The following TNNI3K variants were observed in gnomAD, a reference collection of about 807,000 sequenced individuals.
TNNI3K encodes the protein TNNI3 interacting kinase.
In TNNI3K, 140 loss-of-function variants were observed where a neutral mutation model predicts 114.5. The ratio of observed to expected loss-of-function variants is 1.22; its 90% CI spans 1.07 to 1.41. The LOEUF is 1.41. Among genes scored for constraint, TNNI3K ranks in the 40% most tolerant of loss-of-function variants. The probability of loss-of-function intolerance (pLI) is 0.00; values close to 1 mark genes in which losing one functional copy is unlikely to be tolerated. For synonymous variants in TNNI3K, 347 were observed against 347.5 expected (o/e 1.00, Z 0.02); for missense variants, 1,125 against 1,007.6 (o/e 1.12, Z -1.58).
chr1:74,397,265 A>C (rs1398452970), intron 17 of TNNI3K, among the ~76,000 whole-genome samples: 2 of 152,168 alleles, frequency 1.3e-5, no homozygotes, highest in Non-Finnish European at 2.9e-5. Flanking sequence ...AATTAAAGAG[A>C]TACACAGAAG....
chr1:74,483,520 C>A (rs762145490), intron 21 of TNNI3K: 3 of 526,132 alleles, frequency 5.7e-6, no homozygotes, highest in Non-Finnish European at 1.0e-5. Flanking sequence ...AGGTAAATAA[C>A]TACATTCCTT....
At chr1:74,298,948 G>C (rs1184281416) in intron 5 of TNNI3K, among the ~76,000 whole-genome samples, 1 of 152,028 alleles carries the variant, frequency 6.6e-6, no homozygotes, top group Admixed American at 6.6e-5. Flanking sequence ...ATTTAAACTT[G>C]TTTTTGGAAT....
At chr1:74,415,790 A>AT (rs1167688493) in intron 17 of TNNI3K, among the ~76,000 whole-genome samples, 1 of 149,236 alleles carries the variant, frequency 6.7e-6, no homozygotes, top group Non-Finnish European at 1.5e-5. Context: ...TTGGTTTTAG[A>AT]TTATGGTCAT....
chr1:74,537,058 G>A (rs1038296716), intron 23 of TNNI3K, among the ~76,000 whole-genome samples: 2 of 152,168 alleles, frequency 1.3e-5, no homozygotes, highest in Non-Finnish European at 2.9e-5. Flanking sequence ...AGCATCTGGA[G>A]CCAGCCTATG....
intron 23 of TNNI3K, among the ~76,000 whole-genome samples, chr1:74,538,532 A>C (rs974755289): frequency 6.6e-6 from 1 of 152,186 alleles, no homozygotes; most frequent in Non-Finnish European, 1.5e-5. Context: ...GTGTATAAGT[A>C]AACAGATAAA....
chr1:74,523,899 T>C (rs1646467566), intron 23 of TNNI3K, among the ~76,000 whole-genome samples: 1 of 152,108 alleles, frequency 6.6e-6, no homozygotes, highest in Non-Finnish European at 1.5e-5. Context: ...ACATTAAACA[T>C]TTCTCCTAAT....
chr1:74,493,418 T>C (rs1038751786), intron 23 of TNNI3K, among the ~76,000 whole-genome samples: 13 of 152,128 alleles, frequency 8.5e-5, no homozygotes, highest in Admixed American at 8.5e-4. Context: ...AAAAGGTAAG[T>C]CAGAAAAAAG....
intron 9 of TNNI3K, among the ~76,000 whole-genome samples, chr1:74,350,354 C>G (rs1470719048): frequency 6.6e-6 from 1 of 152,108 alleles, no homozygotes; most frequent in East Asian, 1.9e-4. Context: ...AATTTCTGTT[C>G]TTTTACATTT....
chr1:74,391,983 T>TTTTTTG (rs1663807889), intron 17 of TNNI3K, among the ~76,000 whole-genome samples: 1 of 141,966 alleles, frequency 7.0e-6, no homozygotes, highest in Admixed American at 7.0e-5. Flanking sequence ...TTTTTTTTTT[T>TTTTTTG]GAGACGGAGT....
intron 23 of TNNI3K, among the ~76,000 whole-genome samples, chr1:74,534,349 C>T (rs1011332645): frequency 6.6e-6 from 1 of 152,168 alleles, no homozygotes; most frequent in Admixed American, 6.6e-5. Flanking sequence ...GGACTGCATA[C>T]CCATCTGAAG....
chr1:74,271,060 A>G (rs1033916609), intron 4 of TNNI3K, among the ~76,000 whole-genome samples: 1 of 141,344 alleles, frequency 7.1e-6, no homozygotes, highest in African/African-American at 2.6e-5. Context: ...TTATGAATTA[A>G]TTGTGCCTAG....
chr1:74,513,972 TAAGTA>T (rs1443207068), intron 23 of TNNI3K, among the ~76,000 whole-genome samples: 2 of 152,150 alleles, frequency 1.3e-5, no homozygotes, highest in Non-Finnish European at 2.9e-5. Flanking sequence ...AAAAACTAAT[TAAGTA>T]AAGTTATCTT....
chr1:74,271,511 A>T, intron 4 of TNNI3K, 87 bp from the exon 5 acceptor site: 1 of 1,303,234 alleles, frequency 7.7e-7, no homozygotes. Flanking sequence ...GAACTGGCTG[A>T]TAGGCAGAAA....
At chr1:74,418,417 C>A (rs1410482449) in intron 17 of TNNI3K, 3 of 159,478 alleles carry the variant, frequency 1.9e-5, no homozygotes, top group Non-Finnish European at 4.1e-5. Context: ...GCTTTTTTTT[C>A]TTTTGTGATA....
intron 23 of TNNI3K, among the ~76,000 whole-genome samples, chr1:74,535,496 C>G (rs960185738): frequency 2.2e-4 from 34 of 151,976 alleles, no homozygotes; most frequent in Non-Finnish European, 3.5e-4. Flanking sequence ...AAAAGAATCA[C>G]AGAATGTAAG....
At chr1:74,428,534 A>G (rs1212312490) in intron 17 of TNNI3K, among the ~76,000 whole-genome samples, 1 of 152,098 alleles carries the variant, frequency 6.6e-6, no homozygotes, top group Non-Finnish European at 1.5e-5. Flanking sequence ...ACGTCTAAAA[A>G]ACAGACTTCC....
intron 17 of TNNI3K, among the ~76,000 whole-genome samples, chr1:74,403,573 A>G (rs554310043): frequency 6.6e-6 from 1 of 152,304 alleles, no homozygotes; most frequent in South Asian, 2.1e-4. Flanking sequence ...ATAACAAGTA[A>G]TCAGAGGGGC....
At chr1:74,283,374 A>T (rs1397269869) in intron 5 of TNNI3K, among the ~76,000 whole-genome samples, 1 of 152,176 alleles carries the variant, frequency 6.6e-6, no homozygotes, top group East Asian at 1.9e-4. Flanking sequence ...AGTTATTTTA[A>T]GGTCTCAGAG....
At chr1:74,333,385 C>T (rs1327291381) in intron 6 of TNNI3K, among the ~76,000 whole-genome samples, 3 of 152,178 alleles carry the variant, frequency 2.0e-5, no homozygotes. Context: ...GGAAAAATCC[C>T]ATCATTTCCT....
Sources: allele counts gnomAD v4.1 joint callset (sites outside exome capture counted in the v4.1 genomes callset), GRCh38; gene constraint gnomAD v4.1.1; transcripts MANE v1.5; gene names NCBI Gene and HGNC (gene_info 2026-07-23, HGNC 2026-07-21).